B3GNT2: variants seen among roughly 807,000 people sequenced by gnomAD.
B3GNT2 encodes the protein UDP-GlcNAc:betaGal beta-1,3-N-acetylglucosaminyltransferase 2.
Under a neutral mutation model 27.6 loss-of-function variants are expected in B3GNT2, and 12 were observed. That is an observed-to-expected ratio of 0.44 (90% CI 0.28 to 0.71). The LOEUF (loss-of-function observed/expected upper bound fraction) is 0.71, where lower values mean the gene tolerates loss of function less well. Ranked by LOEUF, B3GNT2 falls within the 30% of genes least tolerant of loss-of-function variation. B3GNT2 has a pLI of 0.17. For synonymous variants in B3GNT2, 192 were observed against 189.7 expected (o/e 1.01, Z -0.10); for missense variants, 413 against 488.5 (o/e 0.85, Z 1.46).
At chr2:62,213,871 G>A (rs1022768406) in intron 1 of B3GNT2, among the ~76,000 whole-genome samples, 2 of 152,190 alleles carry the variant, frequency 1.3e-5, no homozygotes, top group African/African-American at 4.8e-5. Context: ...TGAACACTGT[G>A]TTCAGTAAAC....
rs771751289 is a variant in B3GNT2, at chr2:62,222,337, G to A, written c.117G>A (p.Gly39=). The A allele has an allele frequency of 5.1e-5, 83 of 1,613,954 alleles. No individual in the cohort carries two copies. Among genetic ancestry groups the A allele is most frequent in the Middle Eastern group, 3.3e-4 (2 of 6,084 alleles). The change falls in exon 2 of 2, where the codon GGG becomes GGA. Residue 39 remains glycine, a synonymous_variant. Transcript: ENST00000301998. This position sits in a 1 kb window ranked among gnomAD's most constrained non-coding sequence, Gnocchi z 4.2. ...GTAGCCAAGAAAAAAATGGAAAAGG[G>A]GAAGTAATAATACCCAAAGAGAAGT... ...KSSSQEKNGK[G]EVIIPKEKFW...
rs1183381387 is a variant in B3GNT2 at position 62,224,272 on chromosome 2, A to G, written c.*858A>G. On this transcript the variant is annotated 3_prime_UTR_variant, in exon 2 of 2. Coordinates refer to ENST00000301998, the MANE Select transcript of B3GNT2 (RefSeq NM_006577.6). ...AAAGGTTGAAGTTACAGACTTTTGC[A>G]TAGATGGTTTGTCAATTTAAAATTC... is the stretch of plus-strand genomic sequence containing the variant. 1 of 167,094 alleles carries G rather than the reference A, an allele frequency of 6.0e-6. No homozygotes were observed. The highest frequency in any genetic ancestry group is 2.4e-5 in the African/African-American group (1 of 41,470). 10.4% of individuals were successfully genotyped at this position (167,094 alleles called of 1,614,324 possible).
intron 1 of B3GNT2, among the ~76,000 whole-genome samples, chr2:62,197,024 G>A (rs1304066519): frequency 6.7e-6 from 1 of 148,756 alleles, no homozygotes; most frequent in African/African-American, 2.5e-5. Flanking sequence ...CTTTCGCTTT[G>A]ACCTTTTAAA....
Position 62,202,429 on chromosome 2 carries a change from A to G in B3GNT2, c.-10+6074A>G, listed in dbSNP as rs554187905. Among the ~76,000 whole-genome samples the G allele has an allele frequency of 7.8e-4, 119 of 152,342 alleles. 1 individual carries two copies. The highest frequency in any genetic ancestry group is 1.2e-3 in the Non-Finnish European group (85 of 68,036). ...CTTTTGGGGAAACAGCAGGTGATCC[A>G]TTGGGTTTGGAGTGCATGGTGCTTA... On this transcript the variant is annotated intron_variant, in intron 1 of 1. Transcript: ENST00000301998.
At chr2:62,215,666 G>A (rs1674560457) in intron 1 of B3GNT2, 1 of 152,332 alleles carries the variant, frequency 6.6e-6, no homozygotes, top group Non-Finnish European at 1.5e-5. Context: ...GTGGTGGGGA[G>A]GGAAAGGGCA....
intron 1 of B3GNT2, among the ~76,000 whole-genome samples, chr2:62,202,754 G>A (rs533473902): frequency 1.3e-5 from 2 of 152,304 alleles, no homozygotes; most frequent in South Asian, 4.1e-4. Context: ...GAAATGACTT[G>A]AGGTTACTTT....
chr2:62,215,652 G>A (rs986924471), intron 1 of B3GNT2: 4 of 152,306 alleles, frequency 2.6e-5, no homozygotes, highest in African/African-American at 9.6e-5. Context: ...CCAGACTCCC[G>A]GAGGTGGTGG....
intron 1 of B3GNT2, among the ~76,000 whole-genome samples, chr2:62,217,009 C>T (rs1674589009): frequency 6.6e-6 from 1 of 152,164 alleles, no homozygotes; most frequent in Non-Finnish European, 1.5e-5. Context: ...CATTTTTTCT[C>T]ATTTTCTTTT....
At chr2:62,201,825 A>G (rs565583390) in intron 1 of B3GNT2, among the ~76,000 whole-genome samples, 40 of 152,374 alleles carry the variant, frequency 2.6e-4, no homozygotes, top group African/African-American at 9.4e-4. Flanking sequence ...GACCTTAGGA[A>G]AAACATACTT....
chr2:62,211,025 GA>G (rs1004230817), intron 1 of B3GNT2, among the ~76,000 whole-genome samples: 1 of 152,112 alleles, frequency 6.6e-6, no homozygotes, highest in African/African-American at 2.4e-5. Context: ...TCAGTTATAG[GA>G]AAAATCAGAA....
At chr2:62,204,017 G>C (rs1450291456) in intron 1 of B3GNT2, among the ~76,000 whole-genome samples, 1 of 152,210 alleles carries the variant, frequency 6.6e-6, no homozygotes, top group Non-Finnish European at 1.5e-5. Context: ...ACTTGCTGCA[G>C]TTTATTTGTG....
chr2:62,220,178 G>T (rs1674662257), intron 1 of B3GNT2, among the ~76,000 whole-genome samples: 1 of 152,226 alleles, frequency 6.6e-6, no homozygotes, highest in Non-Finnish European at 1.5e-5. Context: ...TGGAGGGACT[G>T]TTACCATCTT....
In B3GNT2 at chr2:62,222,904, C is replaced by T. The variant is rs1036532695; in HGVS notation, c.684C>T (p.Leu228=). 1 of 1,614,198 alleles carries T rather than the reference C, an allele frequency of 6.2e-7. No homozygotes were observed. Among genetic ancestry groups the T allele is most frequent in the South Asian group, 1.1e-5 (1 of 91,078 alleles). Residue 228 remains leucine, a synonymous_variant, in exon 2 of 2, where the codon CTC becomes CTT. Coordinates refer to ENST00000301998, the MANE Select transcript of B3GNT2 (RefSeq NM_006577.6). The surrounding 1 kb of genome is among the most constrained non-coding windows in gnomAD (Gnocchi z 4.2). ...TGTCTCTGAAGGAAGTGCTGTTTCTCAGGTGGGTAAGTACTTCCTGCCCAG... is the reference window on the plus strand; with the variant it reads ...TGTCTCTGAAGGAAGTGCTGTTTCTTAGGTGGGTAAGTACTTCCTGCCCAG... ...FNLSLKEVLF[L]RWVSTSCPDT...
Position 62,222,776 on chromosome 2 carries a change from C to G in B3GNT2, c.556C>G (p.Pro186Ala), listed in dbSNP as rs1473509764. ...GCGAGTCTTCCTGCTGGGCCAGACA[C>G]CCCCAGAGGACAACCACCCCGACCT... ...VVRVFLLGQT[P>A]PEDNHPDLSD... The change falls in exon 2 of 2, where the codon CCC becomes GCC. Residue 186 changes from proline to alanine, a missense_variant. Pro to Ala is a conservative substitution (Grantham distance 27). Coordinates refer to ENST00000301998, the MANE Select transcript of B3GNT2 (RefSeq NM_006577.6). The surrounding 1 kb of genome is among the most constrained non-coding windows in gnomAD (Gnocchi z 4.2). The G allele has an allele frequency of 1.9e-6, 3 of 1,614,038 alleles. No homozygotes were observed. Among genetic ancestry groups the G allele is most frequent in the Non-Finnish European group, 2.5e-6 (3 of 1,180,048 alleles).
At chr2:62,196,947 C>T (rs1429407928) in intron 1 of B3GNT2, among the ~76,000 whole-genome samples, 1 of 151,996 alleles carries the variant, frequency 6.6e-6, no homozygotes, top group Admixed American at 6.5e-5. Context: ...CCACCCCCCA[C>T]CCCCAACCTC....
At position 62,223,201 on chromosome 2, in the gene B3GNT2, T is replaced by A; in HGVS notation, c.981T>A (p.His327Gln). 2 of 1,614,208 alleles carry A rather than the reference T, an allele frequency of 1.2e-6. No homozygotes were observed. Among genetic ancestry groups the A allele is most frequent in the Non-Finnish European group, 1.7e-6 (2 of 1,180,034 alleles). The change falls in exon 2 of 2, where the codon CAT (histidine) becomes CAA (glutamine). Residue 327 changes from histidine (H) to glutamine (Q), a missense_variant. His to Gln is a conservative substitution (Grantham distance 24, BLOSUM62 0). Transcript: ENST00000301998. Reference sequence around the variant, plus strand: ...TGTACCATATCACTGACCAGGTCCATCTCTACCCCATTGATGACGTTTATA... The same window carrying A: ...TGTACCATATCACTGACCAGGTCCAACTCTACCCCATTGATGACGTTTATA... The part of the protein sequence containing the change: ...LRLYHITDQV[H>Q]LYPIDDVYTG...
At chr2:62,210,293 T>C (rs1342462454) in intron 1 of B3GNT2, among the ~76,000 whole-genome samples, 1 of 152,172 alleles carries the variant, frequency 6.6e-6, no homozygotes, top group African/African-American at 2.4e-5. Context: ...TGGGATTAGC[T>C]CTGTGACCTC....
intron 1 of B3GNT2, among the ~76,000 whole-genome samples, chr2:62,200,856 AT>A (rs1674253537): frequency 6.6e-6 from 1 of 152,204 alleles, no homozygotes; most frequent in African/African-American, 2.4e-5. Context: ...ATAGGCTTGA[AT>A]TCTATTTTTA....
Position 62,196,943 on chromosome 2 carries a change from C to G in B3GNT2, c.-10+588C>G, listed in dbSNP as rs1039694640. ...AGCCGCCGGCAGCCGCTCCCCACCC[C>G]CCACCCCCAACCTCTGCCACTTCTG... On this transcript the variant is annotated intron_variant, in intron 1 of 1. Transcript: ENST00000301998. 5.3e-5 allele frequency among the ~76,000 whole-genome samples: 8 copies of G among 152,090 alleles called. No individual in the cohort carries two copies. The East Asian group carries it at 1.5e-3, about 29-fold the overall frequency.
Sources: gnomAD v4.1 joint callset for allele counts (sites outside exome capture counted in the v4.1 genomes callset) on GRCh38, gnomAD v4.1.1 for gene constraint, Gnocchi (gnomAD v3.1) non-coding constraint, MANE v1.5 for transcripts, NCBI Gene and HGNC (gene_info 2026-07-23, HGNC 2026-07-21) for gene names.